C10orf90: variants seen among roughly 807,000 people sequenced by gnomAD.
C10orf90 encodes (E2-independent) E3 ubiquitin-conjugating enzyme FATS.
Under a neutral mutation model 62.5 loss-of-function variants are expected in C10orf90, and 56 were observed. That is an observed-to-expected ratio of 0.90 (90% CI 0.72 to 1.12). The LOEUF (loss-of-function observed/expected upper bound fraction) is 1.12, where lower values mean the gene tolerates loss of function less well. C10orf90 is among the 50% of genes most tolerant of loss of function. C10orf90 has a pLI of 0.00. For missense variants in C10orf90, 970 were observed against 880.4 expected, an observed-to-expected ratio of 1.10 and a Z score of -1.29; for synonymous variants, 386 against 340.4, an observed-to-expected ratio of 1.13 and a Z score of -1.47.
At chr10:126,538,427 A>T (rs1030439361) in intron 2 of C10orf90, among the ~76,000 whole-genome samples, 1 of 152,204 alleles carries the variant, frequency 6.6e-6, no homozygotes, top group African/African-American at 2.4e-5. Flanking sequence ...GACATGGAAC[A>T]GATTCTTCTG....
intron 2 of C10orf90, among the ~76,000 whole-genome samples, chr10:126,521,074 G>A (rs950563585): frequency 8.5e-5 from 13 of 152,080 alleles, no homozygotes; most frequent in African/African-American, 1.4e-4. Flanking sequence ...CCACACCAGC[G>A]CCCCCAACAG....
At chr10:126,603,378 G>A (rs1437746964) in intron 2 of C10orf90, among the ~76,000 whole-genome samples, 2 of 152,116 alleles carry the variant, frequency 1.3e-5, no homozygotes, top group Non-Finnish European at 2.9e-5. Flanking sequence ...ACTATCACAA[G>A]AAGAGCAGCA....
chr10:126,512,499 T>C, intron 3 of C10orf90, among the ~76,000 whole-genome samples: 1 of 152,204 alleles, frequency 6.6e-6, no homozygotes, highest in South Asian at 2.1e-4. Context: ...TAATTAATTT[T>C]TGAGATCAAT....
intron 1 of C10orf90, among the ~76,000 whole-genome samples, chr10:126,649,204 C>T (rs1591174226): frequency 2.0e-5 from 3 of 152,080 alleles, no homozygotes; most frequent in Non-Finnish European, 4.4e-5. Context: ...GAATTTTCAG[C>T]GATGGGGTGA....
At chr10:126,451,590 G>GAT (rs975077195) in intron 7 of C10orf90, among the ~76,000 whole-genome samples, 21 of 151,348 alleles carry the variant, frequency 1.4e-4, no homozygotes, top group South Asian at 2.1e-4. Context: ...TTGGTCTATT[G>GAT]ATATATATAT....
chr10:126,428,575 G>A (rs540749794), intron 8 of C10orf90, among the ~76,000 whole-genome samples: 107 of 152,152 alleles, frequency 7.0e-4, no homozygotes, highest in African/African-American at 2.3e-3. Flanking sequence ...TAGCTCACTC[G>A]TCCTCTTTGA....
chr10:126,500,044 G>A (rs949708437), intron 4 of C10orf90, among the ~76,000 whole-genome samples: 2 of 152,226 alleles, frequency 1.3e-5, no homozygotes, highest in African/African-American at 4.8e-5. Context: ...CAAAGAACTG[G>A]ATTTCAGGCT....
rs757146185 is a variant in C10orf90 at position 126,601,110 on chromosome 10, C to T, written c.313+45455G>A. Among the ~76,000 whole-genome samples the T allele has an allele frequency of 2.0e-5, 3 of 152,166 alleles. No individual in the cohort carries two copies. In the South Asian group the frequency reaches 6.2e-4, roughly 32 times the overall value. ...TAAAGCCCACACAGAAAGAAAAATA[C>T]TGCTTATCTCACTTAGATGTGGAAT... On this transcript the variant is annotated intron_variant, in intron 2 of 9. Coordinates refer to ENST00000488181, the MANE Select transcript of C10orf90 (RefSeq NM_001350921.2).
chr10:126,502,016 C>T (rs1322394480), intron 4 of C10orf90, among the ~76,000 whole-genome samples: 1 of 146,746 alleles, frequency 6.8e-6, no homozygotes, highest in Non-Finnish European at 1.5e-5. Flanking sequence ...CACACACACA[C>T]CATACACACA....
chr10:126,549,744 CA>C (rs35430859), intron 2 of C10orf90, among the ~76,000 whole-genome samples: 77 of 143,736 alleles, frequency 5.4e-4, no homozygotes, highest in East Asian at 1.6e-3. Flanking sequence ...TTCATAATAG[CA>C]AAAAAAAAAA....
At chr10:126,605,271 G>A (rs1431192398) in intron 2 of C10orf90, among the ~76,000 whole-genome samples, 1 of 151,390 alleles carries the variant, frequency 6.6e-6, no homozygotes, top group Admixed American at 6.5e-5. Context: ...AAAGATGGAA[G>A]CAGGAAGGGA....
chr10:126,653,295 C>T (rs549973295), intron 1 of C10orf90, among the ~76,000 whole-genome samples: 6 of 152,312 alleles, frequency 3.9e-5, no homozygotes, highest in South Asian at 2.1e-4. Flanking sequence ...GCATTTCACC[C>T]GCAGTAGAAC....
At position 126,504,346 on chromosome 10, in the gene C10orf90, A is replaced by G; in HGVS notation, c.1145T>C (p.Met382Thr). 2 of 1,614,114 alleles carry G rather than the reference A, an allele frequency of 1.2e-6. No individual in the cohort carries two copies. Among genetic ancestry groups the G allele is most frequent in the Non-Finnish European group, 1.7e-6 (2 of 1,180,038 alleles). ...GTTGAGCGACAGGACGGATCTGTGC[A>G]TTTTGGGGCTGGCAATTTGAGGTGG... ...IEPPQIASPKMHRSVLSLNLN... is the reference protein window; with the variant it reads ...IEPPQIASPKTHRSVLSLNLN... The change falls in exon 4 of 10, where the codon ATG (methionine) becomes ACG (threonine). Residue 382 changes from methionine to threonine, a missense_variant. Met to Thr is a moderately conservative substitution (Grantham distance 81, BLOSUM62 -1). Transcript: ENST00000488181. The surrounding 1 kb of genome is among the most constrained non-coding windows in gnomAD (Gnocchi z 4.1).
Position 126,425,788 on chromosome 10 carries a change from TG to T in C10orf90, c.*75del. On this transcript the variant is annotated 3_prime_UTR_variant, in exon 10 of 10. Transcript: ENST00000488181. ...AAGTGTTTTCCCATGATGAAGATAA[TG>T]CTAAGTTTAATGGCTTATCCAGCAT... 7.0e-7 allele frequency: 1 copy of T among 1,430,392 alleles called. No homozygotes were observed. Among genetic ancestry groups the T allele is most frequent in the Non-Finnish European group, 9.5e-7 (1 of 1,049,242 alleles). 88.6% of individuals were successfully genotyped at this position (1,430,392 alleles called of 1,614,324 possible).
At chr10:126,495,710 C>G (rs1030037518) in intron 4 of C10orf90, among the ~76,000 whole-genome samples, 2 of 152,140 alleles carry the variant, frequency 1.3e-5, no homozygotes, top group African/African-American at 4.8e-5. Flanking sequence ...GAAAAACTCA[C>G]CAAGTCAAAG....
chr10:126,568,882 T>C (rs547077249), intron 2 of C10orf90, among the ~76,000 whole-genome samples: 1 of 152,020 alleles, frequency 6.6e-6, no homozygotes, highest in East Asian at 2.0e-4. Flanking sequence ...GGCATGAGGA[T>C]CTTAAGGACG....
intron 2 of C10orf90, among the ~76,000 whole-genome samples, chr10:126,531,524 T>C (rs944667063): frequency 1.3e-5 from 2 of 152,176 alleles, no homozygotes; most frequent in African/African-American, 4.8e-5. Context: ...ACAAGATATA[T>C]TTATCCCAAC....
chr10:126,493,076 G>A (rs1409586629), intron 4 of C10orf90, among the ~76,000 whole-genome samples: 2 of 151,236 alleles, frequency 1.3e-5, no homozygotes, highest in Non-Finnish European at 2.9e-5. Context: ...AAGTTCGTTC[G>A]ACAGGTACTG....
chr10:126,429,715 G>A (rs2133982006), intron 8 of C10orf90, 72 bp downstream of exon 8: 3 of 1,239,232 alleles, frequency 2.4e-6, no homozygotes, highest in East Asian at 2.3e-5. Context: ...TCCCATTGGA[G>A]GGCACCTGAA....
Sources: gnomAD v4.1 joint callset for allele counts (sites outside exome capture counted in the v4.1 genomes callset) on GRCh38, gnomAD v4.1.1 for gene constraint, Gnocchi (gnomAD v3.1) non-coding constraint, MANE v1.5 for transcripts, NCBI Gene and HGNC (gene_info 2026-07-23, HGNC 2026-07-21) for gene names.